Variants in RSPH3 observed in about 807,000 individuals in gnomAD.
RSPH3 encodes radial spoke head 3.
Under a neutral mutation model 43.8 loss-of-function variants are expected in RSPH3, and 21 were observed. The ratio of observed to expected loss-of-function variants is 0.48; its 90% CI spans 0.34 to 0.69. RSPH3 has a LOEUF of 0.69. Ranked by LOEUF, RSPH3 falls within the 30% of genes least tolerant of loss-of-function variation. RSPH3 has a pLI of 0.01. For synonymous variants in RSPH3, 173 were observed against 179.8 expected, an observed-to-expected ratio of 0.96 and a Z score of 0.30; for missense variants, 487 against 516.0, an observed-to-expected ratio of 0.94 and a Z score of 0.54.
chr6:158,996,405 T>C (rs1778597451), intron 1 of RSPH3, among the ~76,000 whole-genome samples: 1 of 152,248 alleles, frequency 6.6e-6, no homozygotes, highest in Non-Finnish European at 1.5e-5. Flanking sequence ...TATAATCCTA[T>C]GAAAAGGTGG....
At chr6:158,964,873 T>A in the RSPH3 span, among the ~76,000 whole-genome samples, 1 of 152,192 alleles carries the variant, frequency 6.6e-6, no homozygotes, top group Admixed American at 6.5e-5. Context: ...ATGTCATATA[T>A]AAGAAACCAT....
chr6:158,996,074 T>C (rs943315857), intron 1 of RSPH3, among the ~76,000 whole-genome samples: 6 of 152,216 alleles, frequency 3.9e-5, no homozygotes, highest in African/African-American at 1.4e-4. Flanking sequence ...AGGACATCTT[T>C]GGGGAATCAT....
In RSPH3 at chr6:158,984,468, A is replaced by T. The variant is rs1394982700; in HGVS notation, c.347-661T>A. ...TATATATATATATATATATATATAT[A>T]TATATATTTGAGTCCTAAGATAGTA... On this transcript the variant is annotated intron_variant, in intron 3 of 7. Transcript: ENST00000367069. 2.2e-5 allele frequency among the ~76,000 whole-genome samples: 3 copies of T among 135,002 alleles called. 1 individual carries two copies. 88.6% of individuals were successfully genotyped at this position (135,002 alleles called of 152,430 possible).
At chr6:158,963,340 TCCTTCCTTC>T in the RSPH3 span, among the ~76,000 whole-genome samples, 1 of 137,816 alleles carries the variant, frequency 7.3e-6, no homozygotes, top group African/African-American at 2.6e-5. Flanking sequence ...TCCTTCCTTC[TCCTTCCTTC>T]CTTTCTTTCT....
rs898921159 is a variant in RSPH3 at position 159,000,045 on chromosome 6, T to G, written c.-495A>C. 1.4e-6 allele frequency: 2 copies of G among 1,454,560 alleles called. No individual in the cohort carries two copies. Among genetic ancestry groups the G allele is most frequent in the Non-Finnish European group, 1.8e-6 (2 of 1,087,556 alleles). The allele number at this position is 1,454,560 out of a possible 1,614,324, so 90.1% of individuals were successfully genotyped here. ...TTGGAATGTGGCTTTGCAGGGCTGGTGTTGGCGCCATTCTCGCAGGCCCAC... is the reference window on the plus strand; with the variant it reads ...TTGGAATGTGGCTTTGCAGGGCTGGGGTTGGCGCCATTCTCGCAGGCCCAC... On this transcript the variant is annotated 5_prime_UTR_variant, in exon 1 of 8. Transcript: ENST00000367069.
At chr6:158,964,467 T>C in the RSPH3 span, among the ~76,000 whole-genome samples, 2 of 152,194 alleles carry the variant, frequency 1.3e-5, no homozygotes, top group Non-Finnish European at 2.9e-5. Context: ...TGAATGAGTG[T>C]TCCAATTTCT....
chr6:158,964,265 A>G, the RSPH3 span, among the ~76,000 whole-genome samples: 2 of 152,166 alleles, frequency 1.3e-5, no homozygotes, highest in African/African-American at 4.8e-5. Flanking sequence ...AACTTATAGT[A>G]TTGTCTTTAT....
Position 158,999,806 on chromosome 6 carries a change from G to C in RSPH3, c.-256C>G, listed in dbSNP as rs749778647. 1 of 1,613,692 alleles carries C rather than the reference G, an allele frequency of 6.2e-7. No homozygotes were observed. The highest frequency in any genetic ancestry group is 1.7e-5 in the Admixed American group (1 of 59,984). On this transcript the variant is annotated 5_prime_UTR_variant, in exon 1 of 8. Coordinates refer to ENST00000367069, the MANE Select transcript of RSPH3 (RefSeq NM_031924.8). ...CGGTTGCCCAGCAACCCAGGGTTCT[G>C]TCTGGGGGCGGGAACTCCGGGCAGT...
chr6:158,982,602 T>G lies in RSPH3; in HGVS notation c.579A>C (p.Glu193Asp). ...CCCGCAGGTTAGCCAGCTCTTCTTC[T>G]TCCATTACTTCCAGAAGAGACTGCT... ...TIEQSLLEVMEEEELANLRAS... is the reference protein window; with the variant it reads ...TIEQSLLEVMDEEELANLRAS... The change falls in exon 5 of 8, where the codon GAA (glutamate) becomes GAC (aspartate). Residue 193 changes from glutamate (E) to aspartate (D), a missense_variant. Physicochemically the swap from Glu to Asp is conservative, Grantham distance 45. Coordinates refer to ENST00000367069, the MANE Select transcript of RSPH3 (RefSeq NM_031924.8). 3 of 1,613,958 alleles carry G rather than the reference T, an allele frequency of 1.9e-6. No homozygotes were observed. The highest frequency in any genetic ancestry group is 1.7e-6 in the Non-Finnish European group (2 of 1,179,876).
At chr6:158,990,623 A>C (rs1173715989) in intron 2 of RSPH3, 1 of 151,846 alleles carries the variant, frequency 6.6e-6, no homozygotes, top group Non-Finnish European at 1.5e-5. Context: ...GCTAACGTGT[A>C]ATTTCTTTCT....
chr6:158,983,231 A>T (rs529477670), intron 4 of RSPH3, among the ~76,000 whole-genome samples: 11 of 152,174 alleles, frequency 7.2e-5, no homozygotes, highest in Non-Finnish European at 1.0e-4. Context: ...TGCATTCCAC[A>T]CTGATAGAAA....
intron 2 of RSPH3, 77 bp from the exon 3 acceptor site, chr6:158,986,498 A>G (rs2128608017): frequency 8.5e-7 from 1 of 1,170,538 alleles, no homozygotes; most frequent in Non-Finnish European, 1.2e-6. Context: ...TCCAAAAGCA[A>G]TTCCTGAGTA....
chr6:158,977,830 AC>A lies in RSPH3; in HGVS notation c.964del (p.Val322LeufsTer30), dbSNP rs1465461909. On this transcript the variant is annotated frameshift_variant, in exon 8 of 8. Coordinates refer to ENST00000367069, the MANE Select transcript of RSPH3 (RefSeq NM_031924.8). LOFTEE classifies it low-confidence loss of function (END_TRUNC). ...TVLDMLIREVVEKRLCMYEHG... is the reference protein window; with the variant it reads ...TVLDMLIREVXEKRLCMYEHG... ...CTCATACATACACAGCCTCTTTTCA[AC>A]CACCTCACGGATCAACACTGAAAAG... is the stretch of plus-strand genomic sequence containing the variant. The A allele has an allele frequency of 1.2e-5, 19 of 1,611,588 alleles. No homozygotes were observed. Among genetic ancestry groups the A allele is most frequent in the Non-Finnish European group, 1.4e-5 (16 of 1,179,238 alleles).
rs1423201700 is a variant in RSPH3, at chr6:158,973,201, C to T, written c.*4337G>A. 1 of 152,082 alleles carries T rather than the reference C, an allele frequency of 6.6e-6. No homozygotes were observed. The highest frequency in any genetic ancestry group is 6.5e-5 in the Admixed American group (1 of 15,272). 9.4% of individuals were successfully genotyped at this position (152,082 alleles called of 1,614,324 possible). A position where few individuals can be genotyped will look rare whatever the true frequency, so the allele number is the denominator to read the frequency against. Reference sequence around the variant, plus strand: ...GTAAACAGCCATGGCTATTGAACTACAGAATACATAAAAATACATTCTGTG... The same window carrying T: ...GTAAACAGCCATGGCTATTGAACTATAGAATACATAAAAATACATTCTGTG... On this transcript the variant is annotated 3_prime_UTR_variant, in exon 8 of 8. Coordinates refer to ENST00000367069, the MANE Select transcript of RSPH3 (RefSeq NM_031924.8).
chr6:158,968,636 T>C (rs1777657590), downstream of RSPH3, among the ~76,000 whole-genome samples: 1 of 152,232 alleles, frequency 6.6e-6, no homozygotes, highest in African/African-American at 2.4e-5. Context: ...AATAGTAATC[T>C]AATTTCAAGA....
the RSPH3 span, among the ~76,000 whole-genome samples, chr6:158,966,364 TC>T: frequency 2.0e-5 from 3 of 152,166 alleles, no homozygotes; most frequent in Non-Finnish European, 4.4e-5. Flanking sequence ...TGGGAACTGT[TC>T]CCCTCTTCTT....
intron 2 of RSPH3, among the ~76,000 whole-genome samples, chr6:158,986,806 C>T (rs1778249938): frequency 6.6e-6 from 1 of 152,108 alleles, no homozygotes; most frequent in African/African-American, 2.4e-5. Flanking sequence ...AGTTTTACTT[C>T]ATTGTGGTCA....
chr6:158,993,070 AG>A (rs1778472278), intron 2 of RSPH3, among the ~76,000 whole-genome samples: 1 of 152,178 alleles, frequency 6.6e-6, no homozygotes, highest in East Asian at 1.9e-4. Context: ...TTGAGAGTAA[AG>A]GTTTAGAAAT....
chr6:158,969,060 T>C (rs1313854968), downstream of RSPH3, among the ~76,000 whole-genome samples: 1 of 152,240 alleles, frequency 6.6e-6, no homozygotes, highest in African/African-American at 2.4e-5. Flanking sequence ...CAAAGAAAAG[T>C]AAATTTATAC....
Sources: gnomAD v4.1 joint callset for allele counts (sites outside exome capture counted in the v4.1 genomes callset) on GRCh38, gnomAD v4.1.1 for gene constraint, MANE v1.5 for transcripts, NCBI Gene and HGNC (gene_info 2026-07-23, HGNC 2026-07-21) for gene names.